SLC25A48: variants seen among roughly 807,000 people sequenced by gnomAD.
SLC25A48 encodes the protein CTC-321K16.1.
SLC25A48 carries 29 observed loss-of-function variants against 32.2 expected under a neutral mutation model. The observed-to-expected ratio is 0.90, with a 90% CI of 0.67 to 1.23. SLC25A48 has a LOEUF of 1.23. SLC25A48 is among the 50% of genes most tolerant of loss of function. The pLI, the probability that SLC25A48 is intolerant of heterozygous loss-of-function variation, is 0.00. For missense variants in SLC25A48, 399 were observed against 422.7 expected, an observed-to-expected ratio of 0.94 and a Z score of 0.49; for synonymous variants, 164 against 172.3, an observed-to-expected ratio of 0.95 and a Z score of 0.38.
At chr5:135,844,467 G>C (rs1366787497) in intron 2 of SLC25A48, among the ~76,000 whole-genome samples, 2 of 152,188 alleles carry the variant, frequency 1.3e-5, no homozygotes, top group Admixed American at 6.5e-5. Flanking sequence ...TGGATCAGTG[G>C]GGAGGCAGCA....
intron 3 of SLC25A48, among the ~76,000 whole-genome samples, chr5:135,695,044 G>T (rs1270405833): frequency 6.6e-6 from 1 of 152,178 alleles, no homozygotes; most frequent in Non-Finnish European, 1.5e-5. Context: ...CTTTGCATTT[G>T]CATCTTCCTG....
chr5:135,611,167 T>C (rs1752054305), intron 1 of SLC25A48, among the ~76,000 whole-genome samples: 1 of 152,002 alleles, frequency 6.6e-6, no homozygotes, highest in Non-Finnish European at 1.5e-5. Flanking sequence ...GTTTTAAAAT[T>C]AGAAATGGTT....
intron 3 of SLC25A48, among the ~76,000 whole-genome samples, chr5:135,798,755 C>G (rs1757248517): frequency 6.6e-6 from 1 of 151,634 alleles, no homozygotes. Context: ...TGTTATTACT[C>G]CCAATATCGC....
chr5:135,872,653 G>C (rs867943325), intron 5 of SLC25A48: 2 of 152,248 alleles, frequency 1.3e-5, no homozygotes, highest in Non-Finnish European at 2.9e-5. Context: ...CAGAGAAACA[G>C]AGCCATAGCC....
At chr5:135,660,392 T>C (rs1753369523) in intron 3 of SLC25A48, among the ~76,000 whole-genome samples, 2 of 152,220 alleles carry the variant, frequency 1.3e-5, no homozygotes, top group South Asian at 2.1e-4. Context: ...TCTATGCTTT[T>C]GAAAGACATG....
At chr5:135,631,606 C>T (rs1312406075) in intron 2 of SLC25A48, among the ~76,000 whole-genome samples, 5 of 152,228 alleles carry the variant, frequency 3.3e-5, no homozygotes, top group African/African-American at 9.6e-5. Flanking sequence ...TTTTCCAGAA[C>T]TAATCTGTCC....
intron 2 of SLC25A48, among the ~76,000 whole-genome samples, chr5:135,847,721 G>A (rs1490696370): frequency 3.3e-5 from 5 of 152,132 alleles, no homozygotes; most frequent in Admixed American, 1.3e-4. Flanking sequence ...GGGAAAGAGG[G>A]TGAACCCCAA....
At chr5:135,792,541 C>T (rs1757059425) in intron 3 of SLC25A48, among the ~76,000 whole-genome samples, 2 of 151,718 alleles carry the variant, frequency 1.3e-5, no homozygotes, top group Admixed American at 1.3e-4. Flanking sequence ...TGTGTATACA[C>T]TCTCTGGGAT....
chr5:135,745,945 A>G (rs73789121), intron 3 of SLC25A48, among the ~76,000 whole-genome samples: 1,532 of 152,206 alleles, frequency 0.01, 34 homozygotes, highest in African/African-American at 0.035. Flanking sequence ...TTGTCACTCA[A>G]ACTTCTGTCC....
At chr5:135,615,127 T>C (rs1278612319) in intron 1 of SLC25A48, among the ~76,000 whole-genome samples, 1 of 152,154 alleles carries the variant, frequency 6.6e-6, no homozygotes, top group Non-Finnish European at 1.5e-5. Flanking sequence ...CAAACTAATA[T>C]AGAAAATTGG....
In SLC25A48 at chr5:135,620,064, G is replaced by A. The variant is rs992003200; in HGVS notation, c.-848-9173G>A. Among the ~76,000 whole-genome samples, 28 of 152,304 alleles carry A rather than the reference G, an allele frequency of 1.8e-4. 1 individual carries two copies. The highest frequency in any genetic ancestry group is 1.6e-3 in the Admixed American group (24 of 15,304). Reference sequence around the variant, plus strand: ...TGCCCCTGGGCAGCAGGAGTGGCATGAGCGATGGCAATAGCAGTGGTCAGA... The same window carrying A: ...TGCCCCTGGGCAGCAGGAGTGGCATAAGCGATGGCAATAGCAGTGGTCAGA... On this transcript the variant is annotated intron_variant, in intron 1 of 10. Coordinates refer to the SLC25A48 transcript ENST00000646290.
chr5:135,801,452 G>C (rs1249613822), intron 3 of SLC25A48, among the ~76,000 whole-genome samples: 1 of 150,286 alleles, frequency 6.7e-6, no homozygotes, highest in Non-Finnish European at 1.5e-5. Context: ...AATATCTAGG[G>C]GGCGAGAGGA....
chr5:135,839,459 C>G (rs974554172), intron 1 of SLC25A48, among the ~76,000 whole-genome samples: 2 of 152,136 alleles, frequency 1.3e-5, no homozygotes, highest in African/African-American at 4.8e-5. Context: ...AATGCTCGTA[C>G]CCCCATTGTT....
chr5:135,651,000 G>A (rs567570030), intron 3 of SLC25A48, among the ~76,000 whole-genome samples: 1 of 152,170 alleles, frequency 6.6e-6, no homozygotes, highest in African/African-American at 2.4e-5. Context: ...TTGCCTTTCA[G>A]CTCCAAATCT....
intron 4 of SLC25A48, chr5:135,821,893 G>T (rs545317725): frequency 6.6e-6 from 1 of 152,184 alleles, no homozygotes; most frequent in Non-Finnish European, 1.5e-5. Flanking sequence ...GTCACGATGC[G>T]GTGCTACTGC....
chr5:135,858,290 G>A (rs1701481659), intron 4 of SLC25A48, among the ~76,000 whole-genome samples: 2 of 152,184 alleles, frequency 1.3e-5, no homozygotes, highest in Admixed American at 1.3e-4. Flanking sequence ...GCAAAGCTTT[G>A]AGCCATTAGA....
chr5:135,809,158 G>C (rs1424596018), intron 3 of SLC25A48, among the ~76,000 whole-genome samples: 1 of 151,968 alleles, frequency 6.6e-6, no homozygotes, highest in African/African-American at 2.4e-5. Flanking sequence ...AGATAGCCAG[G>C]CATGATGGCA....
chr5:135,806,468 C>T (rs1195745844), intron 3 of SLC25A48, among the ~76,000 whole-genome samples: 1 of 150,894 alleles, frequency 6.6e-6, no homozygotes, highest in Non-Finnish European at 1.5e-5. Context: ...GTTAACACTA[C>T]ATATTATAAA....
chr5:135,837,267 C>G (rs1373745741), intron 1 of SLC25A48, among the ~76,000 whole-genome samples: 2 of 152,094 alleles, frequency 1.3e-5, no homozygotes. Context: ...TGCCTCTGCC[C>G]AGTTTAGTAG....
Sources: gnomAD v4.1 joint callset for allele counts (sites outside exome capture counted in the v4.1 genomes callset) on GRCh38, gnomAD v4.1.1 for gene constraint, MANE v1.5 for transcripts, NCBI Gene and HGNC (gene_info 2026-07-23, HGNC 2026-07-21) for gene names.